The following ZFHX3 variants were observed in gnomAD, a reference collection of about 807,000 sequenced individuals.
ZFHX3 encodes zinc finger homeobox 3, also known as zinc finger homeobox protein 3.
ZFHX3 carries 42 observed loss-of-function variants against 279.1 expected under a neutral mutation model. The ratio of observed to expected loss-of-function variants is 0.15; its 90% CI spans 0.12 to 0.19. ZFHX3 has a LOEUF of 0.19. Among genes scored for constraint, ZFHX3 ranks in the 10% least tolerant of loss-of-function variants. The pLI, the probability that ZFHX3 is intolerant of heterozygous loss-of-function variation, is 1.00. For missense variants in ZFHX3, 4,981 were observed against 4,754.0 expected (o/e 1.05, Z -1.40); for synonymous variants, 2,293 against 1,957.8 (o/e 1.17, Z -4.52).
At chr16:72,869,229 G>A (rs2038094161) in intron 4 of ZFHX3, among the ~76,000 whole-genome samples, 1 of 152,180 alleles carries the variant, frequency 6.6e-6, no homozygotes, top group South Asian at 2.1e-4. Flanking sequence ...ACACGAAACA[G>A]CAAGCCTGGC....
intron 1 of ZFHX3, among the ~76,000 whole-genome samples, chr16:73,021,914 C>A (rs897730447): frequency 6.6e-6 from 1 of 151,752 alleles, no homozygotes; most frequent in African/African-American, 2.4e-5. Context: ...AGGAAGACAG[C>A]CACGTGTAGA....
chr16:73,103,526 C>G (rs1261144802), intron 7 of ZFHX3, among the ~76,000 whole-genome samples: 1 of 152,200 alleles, frequency 6.6e-6, no homozygotes. Context: ...CTCTCTGAAC[C>G]TTCCTCTATT....
intron 1 of ZFHX3, among the ~76,000 whole-genome samples, chr16:73,794,942 A>G (rs746539296): frequency 5.9e-5 from 9 of 152,234 alleles, no homozygotes; most frequent in African/African-American, 1.4e-4. Flanking sequence ...CCATAAAAAA[A>G]GTGTCTAAAA....
chr16:73,038,094 T>TCC (rs1964976608), intron 1 of ZFHX3, among the ~76,000 whole-genome samples: 1 of 152,150 alleles, frequency 6.6e-6, no homozygotes, highest in South Asian at 2.1e-4. Flanking sequence ...AGAGGGTCCT[T>TCC]CCCCTCTTTC....
At chr16:73,734,171 G>C (rs926317073) in intron 1 of ZFHX3, among the ~76,000 whole-genome samples, 6 of 152,138 alleles carry the variant, frequency 3.9e-5, no homozygotes, top group Admixed American at 3.3e-4. Flanking sequence ...TGGTAATGCT[G>C]GCTGGCTTCA....
chr16:72,882,007 G>A (rs1174451254), intron 4 of ZFHX3, among the ~76,000 whole-genome samples: 2 of 152,020 alleles, frequency 1.3e-5, no homozygotes, highest in Admixed American at 6.6e-5. Context: ...TGGCTCCCTT[G>A]GGGGTCCCCA....
At chr16:73,244,027 G>T (rs1237625206) in intron 5 of ZFHX3, among the ~76,000 whole-genome samples, 2 of 152,140 alleles carry the variant, frequency 1.3e-5, no homozygotes, top group East Asian at 3.9e-4. Flanking sequence ...AGGAGCCCTT[G>T]GGGATCATGC....
intron 2 of ZFHX3, among the ~76,000 whole-genome samples, chr16:73,661,787 C>T (rs1398010871): frequency 6.7e-6 from 1 of 149,812 alleles, no homozygotes; most frequent in Non-Finnish European, 1.5e-5. Context: ...AATAATTTCT[C>T]TTATCTAAAA....
chr16:73,349,137 T>C (rs1269861913), intron 3 of ZFHX3, among the ~76,000 whole-genome samples: 1 of 152,152 alleles, frequency 6.6e-6, no homozygotes, highest in Non-Finnish European at 1.5e-5. Context: ...GAGGGATCTC[T>C]TGTGTCTTCC....
At chr16:73,446,259 T>C (rs2018183293) in intron 3 of ZFHX3, among the ~76,000 whole-genome samples, 1 of 152,096 alleles carries the variant, frequency 6.6e-6, no homozygotes, top group African/African-American at 2.4e-5. Flanking sequence ...TATGAAGAAA[T>C]ACCCAAGACT....
chr16:73,835,054 G>GA (rs1360114496), intron 1 of ZFHX3, among the ~76,000 whole-genome samples: 9 of 152,328 alleles, frequency 5.9e-5, no homozygotes, highest in African/African-American at 2.2e-4. Context: ...TGGAAAAGGT[G>GA]TTCTGGTAGC....
At chr16:73,636,740 G>A (rs1340441382) in intron 2 of ZFHX3, among the ~76,000 whole-genome samples, 3 of 152,100 alleles carry the variant, frequency 2.0e-5, no homozygotes, top group Admixed American at 2.0e-4. Flanking sequence ...CTTCACAGTG[G>A]AACATAAAGG....
intron 2 of ZFHX3, among the ~76,000 whole-genome samples, chr16:73,626,440 C>T (rs1016811347): frequency 4.0e-5 from 6 of 151,828 alleles, no homozygotes; most frequent in South Asian, 2.1e-4. Flanking sequence ...ATTTCCTCAT[C>T]GATATTGGAA....
chr16:72,839,256 G>A (rs929565912), intron 4 of ZFHX3, among the ~76,000 whole-genome samples: 4 of 151,614 alleles, frequency 2.6e-5, no homozygotes, highest in Non-Finnish European at 5.9e-5. Context: ...TCAGCGCGAC[G>A]ACAAAGGAGG....
chr16:72,905,083 G>A (rs1324430252), intron 3 of ZFHX3, among the ~76,000 whole-genome samples: 17 of 152,096 alleles, frequency 1.1e-4, no homozygotes, highest in African/African-American at 2.7e-4. Flanking sequence ...CAAGTGATCC[G>A]CCCACCAAGG....
At chr16:72,888,848 G>C (rs941880757) in intron 4 of ZFHX3, among the ~76,000 whole-genome samples, 1 of 152,174 alleles carries the variant, frequency 6.6e-6, no homozygotes, top group African/African-American at 2.4e-5. Context: ...CAGTTCACAG[G>C]GTTCTCTCAA....
At chr16:73,860,629 C>G (rs148816572) in intron 1 of ZFHX3, among the ~76,000 whole-genome samples, 179 of 152,322 alleles carry the variant, frequency 1.2e-3, no homozygotes, top group Middle Eastern at 3.4e-3. Flanking sequence ...TCACTTATAT[C>G]TTGGTAGAAA....
At chr16:73,665,909 G>A (rs1011946116) in intron 2 of ZFHX3, among the ~76,000 whole-genome samples, 6 of 148,214 alleles carry the variant, frequency 4.0e-5, no homozygotes, top group East Asian at 4.0e-4. Flanking sequence ...TCTGCCTCCC[G>A]GGTTCATGCC....
rs546148374 is a variant in ZFHX3 at position 73,793,392 on chromosome 16, A to G, written c.-1608+98259T>C. ...GCCACCTGTGTTGGTCACGTGAGACAATGAAAAGGAAGCATCTCCTTGGCA... is the reference window on the plus strand; with the variant it reads ...GCCACCTGTGTTGGTCACGTGAGACGATGAAAAGGAAGCATCTCCTTGGCA... On this transcript the variant is annotated intron_variant, in intron 1 of 17. Transcript: ENST00000641206. 2.2e-4 allele frequency among the ~76,000 whole-genome samples: 34 copies of G among 152,352 alleles called. No homozygotes were observed. The South Asian group carries it at 5.2e-3, about 23-fold the overall frequency.
Sources: gnomAD v4.1 joint callset for allele counts (sites outside exome capture counted in the v4.1 genomes callset) on GRCh38, gnomAD v4.1.1 for gene constraint, MANE v1.5 for transcripts, NCBI Gene and HGNC (gene_info 2026-07-23, HGNC 2026-07-21) for gene names.